The following DCC variants were observed in gnomAD, a reference collection of about 807,000 sequenced individuals.
The protein encoded by DCC is netrin receptor DCC.
A neutral mutation model predicts 172.5 loss-of-function variants in DCC; 58 were observed. The observed-to-expected ratio is 0.34, with a 90% CI of 0.27 to 0.42. The LOEUF is 0.42. Among genes scored for constraint, DCC ranks in the 10% least tolerant of loss-of-function variants. The pLI, the probability that DCC is intolerant of heterozygous loss-of-function variation, is 1.00. For synonymous variants in DCC, 709 were observed against 644.5 expected, an observed-to-expected ratio of 1.10 and a Z score of -1.52; for missense variants, 1,740 against 1,791.0, an observed-to-expected ratio of 0.97 and a Z score of 0.51.
chr18:53,508,831 T>G (rs575972276), intron 27 of DCC, among the ~76,000 whole-genome samples: 1 of 152,334 alleles, frequency 6.6e-6, no homozygotes, highest in Non-Finnish European at 1.5e-5. Flanking sequence ...AAGAGTGGCC[T>G]CTTTCATTTG....
intron 7 of DCC, among the ~76,000 whole-genome samples, chr18:53,086,851 G>A (rs1276034475): frequency 1.4e-5 from 2 of 144,828 alleles, no homozygotes; most frequent in Admixed American, 7.2e-5. Flanking sequence ...AATATGTGAT[G>A]TTTGGTTTTT....
At chr18:53,109,625 G>T (rs1406145394) in intron 7 of DCC, among the ~76,000 whole-genome samples, 1 of 143,804 alleles carries the variant, frequency 7.0e-6, no homozygotes, top group East Asian at 2.1e-4. Context: ...TCCTTAGCTG[G>T]TTCTTCCAGT....
At position 52,948,622 on chromosome 18, in the gene DCC, T is replaced by C. The variant is rs2040586989; in HGVS notation, c.985+23252T>C. ...TAGATGTCCAAGTTAGGATTCATGTTCACCTTCTTTCTTCTCCTCCAAAAC... is the reference window on the plus strand; with the variant it reads ...TAGATGTCCAAGTTAGGATTCATGTCCACCTTCTTTCTTCTCCTCCAAAAC... On this transcript the variant is annotated intron_variant, in intron 5 of 28. Coordinates refer to ENST00000442544, the MANE Select transcript of DCC (RefSeq NM_005215.4). Among the ~76,000 whole-genome samples the C allele has an allele frequency of 2.0e-5, 3 of 152,132 alleles. No homozygotes were observed. In the South Asian group the frequency reaches 6.2e-4, roughly 31 times the overall value.
intron 1 of DCC, among the ~76,000 whole-genome samples, chr18:52,493,499 A>T (rs1201039411): frequency 6.6e-6 from 1 of 152,106 alleles, no homozygotes; most frequent in African/African-American, 2.4e-5. Flanking sequence ...GTAATAGTTT[A>T]TGTTGGCAAT....
At chr18:53,502,238 C>T (rs1439582356) in intron 27 of DCC, among the ~76,000 whole-genome samples, 3 of 152,000 alleles carry the variant, frequency 2.0e-5, no homozygotes, top group Non-Finnish European at 4.4e-5. Context: ...AATGCCACTC[C>T]TCTCCCCCAC....
At chr18:52,684,418 A>T (rs1479049024) in intron 1 of DCC, among the ~76,000 whole-genome samples, 1 of 151,546 alleles carries the variant, frequency 6.6e-6, no homozygotes, top group Non-Finnish European at 1.5e-5. Flanking sequence ...GCTTCCATTA[A>T]TCTCACTCTA....
intron 5 of DCC, among the ~76,000 whole-genome samples, chr18:53,049,784 A>G (rs2042309675): frequency 6.6e-6 from 1 of 152,056 alleles, no homozygotes; most frequent in Admixed American, 6.6e-5. Context: ...TGCTTTGCGC[A>G]ATGTACTAGT....
At chr18:53,115,122 T>A (rs931172093) in intron 7 of DCC, among the ~76,000 whole-genome samples, 8 of 151,578 alleles carry the variant, frequency 5.3e-5, no homozygotes, top group Middle Eastern at 3.2e-3. Context: ...AAAATAGACT[T>A]TTCAAGAGGA....
intron 1 of DCC, among the ~76,000 whole-genome samples, chr18:52,482,432 T>C (rs1238809585): frequency 6.6e-6 from 1 of 152,158 alleles, no homozygotes; most frequent in Non-Finnish European, 1.5e-5. Flanking sequence ...AAATACTATA[T>C]GGTGTAAACA....
intron 17 of DCC, among the ~76,000 whole-genome samples, chr18:53,392,531 C>T (rs1456896108): frequency 6.6e-6 from 1 of 152,114 alleles, no homozygotes; most frequent in Non-Finnish European, 1.5e-5. Context: ...ATATTTGAGA[C>T]AGTCATTACC....
chr18:52,720,069 G>A (rs2036449942), intron 1 of DCC, among the ~76,000 whole-genome samples: 1 of 152,050 alleles, frequency 6.6e-6, no homozygotes, highest in Non-Finnish European at 1.5e-5. Flanking sequence ...ACCCCAGCAG[G>A]CTAGGTATGA....
chr18:52,458,337 T>C (rs1347317112), intron 1 of DCC, among the ~76,000 whole-genome samples: 1 of 152,140 alleles, frequency 6.6e-6, no homozygotes, highest in Non-Finnish European at 1.5e-5. Context: ...GTCTTTCACA[T>C]ACATTATTTC....
intron 2 of DCC, among the ~76,000 whole-genome samples, chr18:52,890,636 G>A (rs1426110380): frequency 6.6e-6 from 1 of 152,088 alleles, no homozygotes; most frequent in Non-Finnish European, 1.5e-5. Context: ...GATGAACTCT[G>A]TTGGTATCTT....
chr18:52,867,638 C>A (rs1221174683), intron 2 of DCC, among the ~76,000 whole-genome samples: 1 of 152,046 alleles, frequency 6.6e-6, no homozygotes, highest in African/African-American at 2.4e-5. Context: ...GGAATTTATC[C>A]ATTTCTTCTA....
intron 1 of DCC, among the ~76,000 whole-genome samples, chr18:52,444,005 C>A (rs1598823143): frequency 6.6e-6 from 1 of 152,104 alleles, no homozygotes; most frequent in South Asian, 2.1e-4. Flanking sequence ...TGCTGATTGG[C>A]TGAGAGGAAA....
intron 1 of DCC, among the ~76,000 whole-genome samples, chr18:52,489,612 G>A (rs1439752349): frequency 6.6e-6 from 1 of 152,088 alleles, no homozygotes; most frequent in African/African-American, 2.4e-5. Flanking sequence ...GCTGCCAGGA[G>A]ACCTTTGCTT....
At chr18:52,524,808 G>A (rs1012880298) in intron 1 of DCC, among the ~76,000 whole-genome samples, 2 of 152,214 alleles carry the variant, frequency 1.3e-5, no homozygotes, top group Admixed American at 1.3e-4. Flanking sequence ...TTTCTAATTA[G>A]CAGTTCTATA....
chr18:52,523,998 G>A (rs558937070), intron 1 of DCC, among the ~76,000 whole-genome samples: 124 of 152,274 alleles, frequency 8.1e-4, no homozygotes, highest in East Asian at 2.5e-3. Flanking sequence ...TTATAGTTCC[G>A]TAAGATTGTC....
chr18:52,862,156 T>C (rs187669070), intron 2 of DCC, among the ~76,000 whole-genome samples: 14 of 152,296 alleles, frequency 9.2e-5, no homozygotes, highest in African/African-American at 2.6e-4. Context: ...ATGCTTTCCA[T>C]ATGATTTTTA....
Sources: allele counts gnomAD v4.1 joint callset (sites outside exome capture counted in the v4.1 genomes callset), GRCh38; gene constraint gnomAD v4.1.1; transcripts MANE v1.5; gene names NCBI Gene and HGNC (gene_info 2026-07-23, HGNC 2026-07-21).